DGKG: variants seen among roughly 807,000 people sequenced by gnomAD.
DGKG encodes diacylglycerol kinase gamma.
DGKG carries 78 observed loss-of-function variants against 105.3 expected under a neutral mutation model. The observed-to-expected ratio is 0.74, with a 90% CI of 0.62 to 0.89. DGKG has a LOEUF of 0.89. Among genes scored for constraint, DGKG ranks in the 40% least tolerant of loss-of-function variants. The pLI is 0.00. For missense variants in DGKG, 958 were observed against 1,020.1 expected, an observed-to-expected ratio of 0.94 and a Z score of 0.83; for synonymous variants, 346 against 367.1, an observed-to-expected ratio of 0.94 and a Z score of 0.66.
chr3:186,164,855 A>G, intron 23 of DGKG, 43 bp downstream of exon 23: 1 of 1,585,430 alleles, frequency 6.3e-7, no homozygotes, highest in Admixed American at 1.8e-5. Flanking sequence ...ATGTGTACGC[A>G]GGCGGGGAGA....
intron 20 of DGKG, among the ~76,000 whole-genome samples, chr3:186,228,520 C>A (rs1719966335): frequency 6.6e-6 from 1 of 152,172 alleles, no homozygotes; most frequent in Admixed American, 6.5e-5. Flanking sequence ...CTCACCCACT[C>A]CTAGGATAAG....
Position 186,261,667 on chromosome 3 carries a change from G to T in DGKG, c.1349+32C>A, listed in dbSNP as rs773526035. On this transcript the variant is annotated intron_variant, in intron 15 of 24. Coordinates refer to ENST00000265022, the MANE Select transcript of DGKG (RefSeq NM_001346.3). The stretch of plus-strand genomic sequence containing the variant: ...GAAGGGCCTGAGTCGTGTCGCCCTA[G>T]TTGCTCCACTTTGAAACAGAAGAGA... The T allele has an allele frequency of 2.0e-6, 3 of 1,506,858 alleles. No individual in the cohort carries two copies. The South Asian group carries it at 3.5e-5, about 18-fold the overall frequency. The allele number at this position is 1,506,858 out of a possible 1,614,324, so 93.3% of individuals were successfully genotyped here. A position where few individuals can be genotyped will look rare whatever the true frequency, so the allele number is the denominator to read the frequency against.
At chr3:186,253,206 A>T (rs1238499985) in intron 17 of DGKG, 24 bp from the exon 18 acceptor site, 1 of 1,580,272 alleles carries the variant, frequency 6.3e-7, no homozygotes, top group African/African-American at 1.3e-5. Flanking sequence ...AGAGGAACAG[A>T]GAACCATATG....
At position 186,362,007 on chromosome 3, in the gene DGKG, C is replaced by G. The variant is rs1476970101; in HGVS notation, c.-310G>C. ...GCGCTCCTTCTTCGCGGTTTATTCC[C>G]TTACTTGGGAGGAAAGAGGAACCGA... On this transcript the variant is annotated 5_prime_UTR_variant, in exon 1 of 25. Transcript: ENST00000265022. 6.6e-6 allele frequency: 1 copy of G among 152,280 alleles called. No individual in the cohort carries two copies. Among genetic ancestry groups the G allele is most frequent in the African/African-American group, 2.4e-5 (1 of 41,436 alleles). 9.4% of individuals were successfully genotyped at this position (152,280 alleles called of 1,614,324 possible).
intron 1 of DGKG, among the ~76,000 whole-genome samples, chr3:186,321,559 C>G (rs1032319228): frequency 6.6e-6 from 1 of 152,132 alleles, no homozygotes; most frequent in Non-Finnish European, 1.5e-5. Flanking sequence ...AAATAAAGAC[C>G]AACTGAAACA....
At chr3:186,291,059 A>C (rs1723290672) in intron 5 of DGKG, among the ~76,000 whole-genome samples, 1 of 152,250 alleles carries the variant, frequency 6.6e-6, no homozygotes, top group Non-Finnish European at 1.5e-5. Flanking sequence ...GAAGCTTAAA[A>C]GATAGATCCA....
At chr3:186,298,342 G>A in intron 3 of DGKG, 113 bp from the exon 4 acceptor site, 4 of 1,014,066 alleles carry the variant, frequency 3.9e-6, no homozygotes, top group Non-Finnish European at 5.6e-6. Context: ...AAGGGAGGCA[G>A]TAGGACATGG....
chr3:186,173,294 T>G (rs1224363614), intron 22 of DGKG, among the ~76,000 whole-genome samples: 2 of 152,210 alleles, frequency 1.3e-5, no homozygotes, highest in Non-Finnish European at 1.5e-5. Flanking sequence ...TACTTCACTG[T>G]GTTATTTTGA....
Position 186,267,709 on chromosome 3 carries a change from G to T in DGKG, c.1185C>A (p.Pro395=). ...GGELRDHILL[P]TSICPITRDR... is the part of the protein sequence containing the mutation. ...CCCGGGTGATGGGGCATATGGAGGT[G>T]GGCAGTAAGATGTGGTCTCTGAGTT... Residue 395 remains proline, a synonymous_variant, in exon 13 of 25, where the codon CCC becomes CCA. Transcript: ENST00000265022. 1 of 1,614,056 alleles carries T rather than the reference G, an allele frequency of 6.2e-7. No homozygotes were observed. Among genetic ancestry groups the T allele is most frequent in the Non-Finnish European group, 8.5e-7 (1 of 1,179,934 alleles).
intron 1 of DGKG, among the ~76,000 whole-genome samples, chr3:186,338,543 T>C (rs571390350): frequency 6.6e-6 from 1 of 152,200 alleles, no homozygotes; most frequent in Non-Finnish European, 1.5e-5. Flanking sequence ...AATATTCTTA[T>C]GTAACTGAAA....
chr3:186,259,753 C>T lies in DGKG; in HGVS notation c.1424+686G>A, dbSNP rs181243794. On this transcript the variant is annotated intron_variant, in intron 16 of 24. Coordinates refer to ENST00000265022, the MANE Select transcript of DGKG (RefSeq NM_001346.3). ...GGCCCGGACTGGGAGGAAGCCCAGGCTTTCCTGGCCTTCTAGCCCAGGTGC... is the reference window on the plus strand; with the variant it reads ...GGCCCGGACTGGGAGGAAGCCCAGGTTTTCCTGGCCTTCTAGCCCAGGTGC... Among the ~76,000 whole-genome samples the T allele has an allele frequency of 8.3e-3, 1,265 of 152,212 alleles. 8 individuals carry two copies. Among genetic ancestry groups the T allele is most frequent in the Non-Finnish European group, 0.013 (865 of 67,982 alleles).
rs778971634 is a variant in DGKG at position 186,280,694 on chromosome 3, C to T, written c.645G>A (p.Glu215=). The T allele has an allele frequency of 6.2e-6, 10 of 1,614,140 alleles. No homozygotes were observed. The highest frequency in any genetic ancestry group is 8.5e-6 in the Non-Finnish European group (10 of 1,179,988). Residue 215 remains glutamate (E), a synonymous_variant, in exon 8 of 25, where the codon GAG becomes GAA. Transcript: ENST00000265022. ...NQMLHIAQYL[E]WDPTELRPIL... is the part of the protein sequence containing the mutation. ...CAGGCCTCAGCTCTGTGGGATCCCA[C>T]TCCAGGTACTGGGCAATATGCAGCA... is the stretch of plus-strand genomic sequence containing the variant.
At chr3:186,254,990 T>C (rs1295324107) in intron 17 of DGKG, among the ~76,000 whole-genome samples, 1 of 152,232 alleles carries the variant, frequency 6.6e-6, no homozygotes. Flanking sequence ...TTCACTTCCT[T>C]AAAGCACAAA....
intron 22 of DGKG, among the ~76,000 whole-genome samples, 171 bp from the exon 23 acceptor site, chr3:186,165,189 G>A (rs1716480284): frequency 6.6e-6 from 1 of 152,182 alleles, no homozygotes; most frequent in African/African-American, 2.4e-5. Flanking sequence ...ATCAATAAAT[G>A]TACCTTTTCA....
At chr3:186,328,392 G>A (rs1014955483) in intron 1 of DGKG, among the ~76,000 whole-genome samples, 10 of 152,136 alleles carry the variant, frequency 6.6e-5, no homozygotes, top group Admixed American at 5.9e-4. Flanking sequence ...CATCTAATGT[G>A]TCTGAAGCAG....
Position 186,288,715 on chromosome 3 carries a change from A to G in DGKG, c.539T>C (p.Leu180Pro), listed in dbSNP as rs1456130606. Residue 180 changes from leucine (L) to proline (P), a missense_variant, in exon 6 of 25, where the codon CTG becomes CCG. Leu to Pro is a moderately conservative substitution (Grantham distance 98). Around this residue, in one of 2 missense-constraint regions of DGKG, gnomAD observed 643 missense variants for 619.5 expected, o/e 1.04. Transcript: ENST00000265022. ...LLETGRPQDK[L>P]EFMFRLYDSD... ...TTGACAGGGTGAGCACTTACACTCC[A>G]GCTTATCCTGAGGCCTCCCCGTCTC... 1.2e-6 allele frequency: 2 copies of G among 1,614,028 alleles called. No individual in the cohort carries two copies. Among genetic ancestry groups the G allele is most frequent in the Non-Finnish European group, 1.7e-6 (2 of 1,180,008 alleles).
At chr3:186,301,068 C>T (rs186671099) in intron 3 of DGKG, among the ~76,000 whole-genome samples, 31 of 152,342 alleles carry the variant, frequency 2.0e-4, no homozygotes, top group African/African-American at 7.0e-4. Flanking sequence ...TTGGCTGAGA[C>T]TAGTTCTTGT....
At position 186,251,850 on chromosome 3, in the gene DGKG, C is replaced by T. The variant is rs370848053; in HGVS notation, c.1670G>A (p.Arg557His). Residue 557 changes from arginine to histidine, a missense_variant, in exon 19 of 25, where the codon CGC becomes CAC. Physicochemically the swap from Arg to His is conservative, Grantham distance 29. Around this residue, in one of 2 missense-constraint regions of DGKG, gnomAD observed 315 missense variants for 400.6 expected, o/e 0.79. Coordinates refer to ENST00000265022, the MANE Select transcript of DGKG (RefSeq NM_001346.3). Reference sequence around the variant, plus strand: ...TCTGGGGATGACTTCCAGATGCCAGCGGTCCAGCATCACCAAGGGGCTCTG... The same window carrying T: ...TCTGGGGATGACTTCCAGATGCCAGTGGTCCAGCATCACCAAGGGGCTCTG... Reference protein sequence around the residue: ...IEQSPLVMLDRWHLEVIPREE... With the variant: ...IEQSPLVMLDHWHLEVIPREE... The T allele has an allele frequency of 2.9e-5, 47 of 1,612,722 alleles. No homozygotes were observed. The highest frequency in any genetic ancestry group is 3.9e-5 in the Non-Finnish European group (46 of 1,179,184).
At chr3:186,332,611 C>A (rs986842003) in intron 1 of DGKG, among the ~76,000 whole-genome samples, 1 of 152,148 alleles carries the variant, frequency 6.6e-6, no homozygotes, top group African/African-American at 2.4e-5. Context: ...TTGGCTCTAT[C>A]CTATATAACT....
Sources: gnomAD v4.1 joint callset for allele counts (sites outside exome capture counted in the v4.1 genomes callset) on GRCh38, gnomAD v4.1.1 for gene constraint, gnomAD v4.1.1 regional missense constraint, MANE v1.5 for transcripts, NCBI Gene and HGNC (gene_info 2026-07-23, HGNC 2026-07-21) for gene names.